Variants in ASCC3 observed in about 807,000 individuals in gnomAD.
ASCC3 encodes ASC-1 complex subunit P200.
Under a neutral mutation model 256.3 loss-of-function variants are expected in ASCC3, and 158 were observed. The observed-to-expected ratio is 0.62, with a 90% CI of 0.54 to 0.70. The LOEUF (loss-of-function observed/expected upper bound fraction) is 0.70. Among genes scored for constraint, ASCC3 ranks in the 30% least tolerant of loss-of-function variants. The probability of loss-of-function intolerance (pLI) is 0.00; values close to 1 mark genes in which losing one functional copy is unlikely to be tolerated. For missense variants in ASCC3, 2,259 were observed against 2,626.0 expected, an observed-to-expected ratio of 0.86 and a Z score of 3.05; for synonymous variants, 948 against 883.4, an observed-to-expected ratio of 1.07 and a Z score of -1.30.
chr6:100,573,796 A>G (rs114899170), intron 36 of ASCC3, among the ~76,000 whole-genome samples: 2,452 of 152,298 alleles, frequency 0.016, 67 homozygotes, highest in African/African-American at 0.056. Context: ...ATTCTCTGGA[A>G]AGTAAAATAC....
intron 30 of ASCC3, among the ~76,000 whole-genome samples, chr6:100,607,411 CTCT>C (rs1396510003): frequency 6.6e-6 from 1 of 151,806 alleles, no homozygotes; most frequent in East Asian, 1.9e-4. Flanking sequence ...CTCTGTTCAT[CTCT>C]TGTTATAAAA....
chr6:100,808,844 G>T (rs1256196422), intron 4 of ASCC3, among the ~76,000 whole-genome samples: 1 of 151,816 alleles, frequency 6.6e-6, no homozygotes, highest in Non-Finnish European at 1.5e-5. Context: ...AGACTATATG[G>T]TGTAGCCTAT....
chr6:100,747,518 G>GC (rs1780738944), intron 10 of ASCC3, among the ~76,000 whole-genome samples: 1 of 151,940 alleles, frequency 6.6e-6, no homozygotes, highest in Admixed American at 6.6e-5. Context: ...AACAATCCAT[G>GC]GTATAACCAA....
chr6:100,848,884 T>C (rs1387337803), intron 3 of ASCC3, among the ~76,000 whole-genome samples, 177 bp from the exon 4 acceptor site: 3 of 152,152 alleles, frequency 2.0e-5, no homozygotes, highest in Admixed American at 2.0e-4. Flanking sequence ...GGCAGGAAGA[T>C]CACTTGAGTC....
chr6:100,840,769 T>C lies in ASCC3; in HGVS notation c.801+7379A>G, dbSNP rs576849641. Among the ~76,000 whole-genome samples the C allele has an allele frequency of 3.3e-4, 50 of 152,152 alleles. No individual in the cohort carries two copies. In the South Asian group the frequency reaches 1.0e-2, roughly 30 times the overall value. On this transcript the variant is annotated intron_variant, in intron 4 of 41. Transcript: ENST00000369162. ...TTAAAAGATATATACTCCAAAATAT[T>C]TGCAGTGATTATGACTGAATAATGG...
At chr6:100,560,757 ACAC>A (rs1769892524) in intron 36 of ASCC3, among the ~76,000 whole-genome samples, 1 of 141,166 alleles carries the variant, frequency 7.1e-6, no homozygotes, top group Admixed American at 6.8e-5. Flanking sequence ...GAACACACAC[ACAC>A]ACACACACAC....
chr6:100,869,133 T>C (rs1023566400), intron 1 of ASCC3, among the ~76,000 whole-genome samples: 1 of 152,210 alleles, frequency 6.6e-6, no homozygotes, highest in Non-Finnish European at 1.5e-5. Flanking sequence ...TTAGATATTT[T>C]GGGTGTCACA....
chr6:100,840,511 G>A (rs1487813858), intron 4 of ASCC3, among the ~76,000 whole-genome samples: 1 of 94,798 alleles, frequency 1.1e-5, no homozygotes, highest in African/African-American at 5.3e-5. Flanking sequence ...TTTTTTTTTG[G>A]CGTAAGAGTC....
chr6:100,716,983 A>C (rs1779115666), intron 12 of ASCC3, among the ~76,000 whole-genome samples: 1 of 151,322 alleles, frequency 6.6e-6, no homozygotes. Flanking sequence ...TGAACTACAT[A>C]ATCAAATTAT....
intron 13 of ASCC3, among the ~76,000 whole-genome samples, chr6:100,681,635 G>A (rs1582687001): frequency 1.4e-5 from 2 of 140,490 alleles, no homozygotes; most frequent in East Asian, 4.4e-4. Flanking sequence ...GCTGAGGCAG[G>A]AGAATCGCTT....
intron 36 of ASCC3, among the ~76,000 whole-genome samples, chr6:100,564,470 C>G (rs1261104812): frequency 6.6e-6 from 1 of 152,074 alleles, no homozygotes; most frequent in East Asian, 1.9e-4. Flanking sequence ...TTTCTATGCT[C>G]AGCTTATTTC....
intron 4 of ASCC3, among the ~76,000 whole-genome samples, chr6:100,844,357 T>C (rs1772291422): frequency 6.6e-6 from 1 of 151,590 alleles, no homozygotes; most frequent in African/African-American, 2.4e-5. Context: ...TTCGGGTCCA[T>C]ACATAACAGG....
chr6:100,536,299 A>T (rs912698901), intron 37 of ASCC3, among the ~76,000 whole-genome samples: 11 of 152,218 alleles, frequency 7.2e-5, no homozygotes, highest in Non-Finnish European at 1.6e-4. Context: ...CTTTGGTCTT[A>T]GATTGAAATA....
At chr6:100,878,476 A>T (rs1000903850) in intron 1 of ASCC3, among the ~76,000 whole-genome samples, 3 of 151,744 alleles carry the variant, frequency 2.0e-5, no homozygotes, top group African/African-American at 7.3e-5. Context: ...GAAAACAAAT[A>T]AAAAAAAATA....
chr6:100,725,534 C>A lies in ASCC3; in HGVS notation c.1902+5G>T. On this transcript the variant is annotated splice_donor_5th_base_variant and intron_variant, in intron 11 of 41. Coordinates refer to ENST00000369162, the MANE Select transcript of ASCC3 (RefSeq NM_006828.4). ...AAAATAAGCTTATACATAACTTCCTCTTACCTGCCGTAAAGTACGGGCAAC... is the reference window on the plus strand; with the variant it reads ...AAAATAAGCTTATACATAACTTCCTATTACCTGCCGTAAAGTACGGGCAAC... 1 of 1,612,016 alleles carries A rather than the reference C, an allele frequency of 6.2e-7. No individual in the cohort carries two copies. Among genetic ancestry groups the A allele is most frequent in the Non-Finnish European group, 8.5e-7 (1 of 1,178,648 alleles).
Position 100,800,408 on chromosome 6 carries a change from T to C in ASCC3, c.1019A>G (p.Tyr340Cys). Residue 340 changes from tyrosine to cysteine, a missense_variant, in exon 6 of 42, where the codon TAT (tyrosine) becomes TGT (cysteine). Physicochemically the swap from Tyr to Cys is radical, Grantham distance 194 (BLOSUM62 -2). Transcript: ENST00000369162. ...SEQEKQLMKQYRREEKRIARR... is the reference protein window; with the variant it reads ...SEQEKQLMKQCRREEKRIARR... ...GGCAATTCTTTTTTCTTCACGTCGA[T>C]ATTGTTTCATTAACTGCTTTTCTTG... is the stretch of plus-strand genomic sequence containing the variant. The C allele has an allele frequency of 6.2e-7, 1 of 1,612,846 alleles. No individual in the cohort carries two copies. Among genetic ancestry groups the C allele is most frequent in the Middle Eastern group, 1.7e-4 (1 of 6,048 alleles).
In ASCC3 at chr6:100,589,725, G is replaced by T; in HGVS notation, c.5459C>A (p.Ser1820Tyr). The change falls in exon 36 of 42, where the codon TCC (serine) becomes TAC (tyrosine). Residue 1820 changes from serine to tyrosine, a missense_variant. Ser to Tyr is a moderately radical substitution (Grantham distance 144). This residue lies in a region of ASCC3 where 1,839 missense variants were observed against 2,206.7 expected (regional missense o/e 0.83). Transcript: ENST00000369162. ...TGTTTGATGCTTCAAATAGTAATAG[G>T]AGGCAATTCGGCCATAAGTTAGAGG... ...IEPLTYGRIA[S>Y]YYYLKHQTVK... 1 of 1,613,720 alleles carries T rather than the reference G, an allele frequency of 6.2e-7. No homozygotes were observed. Among genetic ancestry groups the T allele is most frequent in the Middle Eastern group, 1.7e-4 (1 of 6,050 alleles).
At chr6:100,677,034 T>G (rs1411446143) in intron 14 of ASCC3, among the ~76,000 whole-genome samples, 1 of 152,056 alleles carries the variant, frequency 6.6e-6, no homozygotes, top group African/African-American at 2.4e-5. Context: ...ATGTTTTGGG[T>G]TCTTAATTTC....
chr6:100,589,935 G>T lies in ASCC3; in HGVS notation c.5415+13C>A. On this transcript the variant is annotated intron_variant, in intron 35 of 41. Transcript: ENST00000369162. ...CAATCTTTTCAATTAGAATGCATAT[G>T]ACTAAGTCATACCTCTCCAATTTCA... 1 of 1,602,312 alleles carries T rather than the reference G, an allele frequency of 6.2e-7. No homozygotes were observed. The highest frequency in any genetic ancestry group is 8.5e-7 in the Non-Finnish European group (1 of 1,169,622).
Sources: allele counts gnomAD v4.1 joint callset (sites outside exome capture counted in the v4.1 genomes callset), GRCh38; gene constraint gnomAD v4.1.1; regional missense constraint gnomAD v4.1.1; transcripts MANE v1.5; gene names NCBI Gene and HGNC (gene_info 2026-07-23, HGNC 2026-07-21).